Variants in NPIPB15 observed in about 807,000 individuals in gnomAD.
NPIPB15 encodes nuclear pore complex interacting protein family member B15.
A neutral mutation model predicts 35.9 loss-of-function variants in NPIPB15; 5 were observed. That is an observed-to-expected ratio of 0.14 (90% CI 0.07 to 0.29). NPIPB15 has a LOEUF of 0.29. Ranked by LOEUF, NPIPB15 falls within the 10% of genes least tolerant of loss-of-function variation. The probability of loss-of-function intolerance (pLI) is 1.00; values close to 1 mark genes in which losing one functional copy is unlikely to be tolerated. For synonymous variants in NPIPB15, 43 were observed against 182.0 expected (o/e 0.24, Z 6.15); for missense variants, 100 against 506.1 (o/e 0.20, Z 7.70).
chr16:74,379,088 C>T (rs1439720483), intron 2 of NPIPB15, among the ~76,000 whole-genome samples: 23 of 146,638 alleles, frequency 1.6e-4, no homozygotes, highest in African/African-American at 4.3e-4. Context: ...GCGTGAACCA[C>T]CGTGCCCAGC....
Position 74,380,915 on chromosome 16 carries a change from G to A in NPIPB15, c.67-601G>A, listed in dbSNP as rs142989569. Among the ~76,000 whole-genome samples, 8 of 152,374 alleles carry A rather than the reference G, an allele frequency of 5.3e-5. No individual in the cohort carries two copies. The East Asian group carries it at 1.5e-3, about 29-fold the overall frequency. Reference sequence around the variant, plus strand: ...AATCCCAGTACTTTCAGAGGCCGAGGCAGGCAGATCGCCTGCCAGGAGTTC... The same window carrying A: ...AATCCCAGTACTTTCAGAGGCCGAGACAGGCAGATCGCCTGCCAGGAGTTC... On this transcript the variant is annotated intron_variant, in intron 2 of 7. Transcript: ENST00000692376.
chr16:74,381,435 G>A (rs544151183), intron 2 of NPIPB15, 81 bp from the exon 3 acceptor site: 573 of 1,467,744 alleles, frequency 3.9e-4, no homozygotes, highest in Admixed American at 6.7e-4. Flanking sequence ...GGAGGTTGAC[G>A]GTTTCTAAGG....
chr16:74,381,452 C>T (rs2011983562), intron 2 of NPIPB15, 64 bp from the exon 3 acceptor site: 1 of 1,535,736 alleles, frequency 6.5e-7, no homozygotes, highest in South Asian at 1.2e-5. Context: ...AAGGATGATT[C>T]TTTCTGAGTG....
At chr16:74,381,148 C>CAAAAAA (rs1166274271) in intron 2 of NPIPB15, among the ~76,000 whole-genome samples, 3,391 of 68,500 alleles carry the variant, frequency 0.05, 66 homozygotes, top group African/African-American at 0.064. Flanking sequence ...ACTCTGTCTC[C>CAAAAAA]AAAAAAAAAA....
Position 74,376,877 on chromosome 16 carries a change from A to C in NPIPB15, c.-492A>C, listed in dbSNP as rs1213308634. ...TCTTATAAGGGCACTTTGAATTTCC[A>C]AGCAAATAATAATTTTGAATTAGCT... is the stretch of plus-strand genomic sequence containing the variant. On this transcript the variant is annotated 5_prime_UTR_variant, in exon 1 of 8. Coordinates refer to ENST00000692376, the MANE Select transcript of NPIPB15 (RefSeq NM_001306094.2). Among the ~76,000 whole-genome samples the C allele has an allele frequency of 6.8e-6, 1 of 147,238 alleles. No homozygotes were observed. The highest frequency in any genetic ancestry group is 2.5e-5 in the African/African-American group (1 of 40,144).
chr16:74,384,989 T>TC, intron 3 of NPIPB15, among the ~76,000 whole-genome samples: 2 of 101,412 alleles, frequency 2.0e-5, no homozygotes, highest in African/African-American at 4.0e-5. Flanking sequence ...CTCATGTCAT[T>TC]CTTGTGTGTG....
At chr16:74,381,038 G>A (rs2011962099) in intron 2 of NPIPB15, among the ~76,000 whole-genome samples, 2 of 146,580 alleles carry the variant, frequency 1.4e-5, no homozygotes, top group South Asian at 4.3e-4. Context: ...AGCTACTCGG[G>A]AGGCTGAGGG....
intron 3 of NPIPB15, among the ~76,000 whole-genome samples, chr16:74,384,411 C>G (rs2012148692): frequency 9.4e-6 from 1 of 106,554 alleles, no homozygotes. Flanking sequence ...ACTCTGTCAC[C>G]AGGCTGGAGT....
At position 74,391,583 on chromosome 16, in the gene NPIPB15, G is replaced by C. The variant is rs756542957; in HGVS notation, c.835G>C (p.Asp279His). The C allele has an allele frequency of 5.6e-6, 9 of 1,610,248 alleles. No homozygotes were observed. The highest frequency in any genetic ancestry group is 1.7e-5 in the Admixed American group (1 of 59,780). The change falls in exon 8 of 8, where the codon GAT becomes CAT. Residue 279 changes from aspartate to histidine, a missense_variant. Asp to His is a moderately conservative substitution (Grantham distance 81). Transcript: ENST00000692376. The part of the protein sequence containing the change: ...CLLHPLPPSV[D>H]DNIKECPLAP... The stretch of plus-strand genomic sequence containing the variant: ...CCTTCATCCCCTTCCACCCTCAGTG[G>C]ATGATAATATCAAGGAGTGTCCTCT...
chr16:74,376,311 CTGAG>C lies in NPIPB15; in HGVS notation c.-1052_-1049del, dbSNP rs1223045286. ...GCAGTGGTTTTCAGCTGCCAGAGGCCTGAGTGAGTTTGGGCACACTCTGTGTGAT... is the reference window on the plus strand; with the variant it reads ...GCAGTGGTTTTCAGCTGCCAGAGGCCTGAGTTTGGGCACACTCTGTGTGAT... On this transcript the variant is annotated 5_prime_UTR_variant, in exon 1 of 8. Coordinates refer to ENST00000692376, the MANE Select transcript of NPIPB15 (RefSeq NM_001306094.2). Among the ~76,000 whole-genome samples, 2 of 151,252 alleles carry C rather than the reference CTGAG, an allele frequency of 1.3e-5. No individual in the cohort carries two copies. The highest frequency in any genetic ancestry group is 6.7e-5 in the Admixed American group (1 of 14,966).
chr16:74,378,240 G>A (rs904691829), intron 2 of NPIPB15, among the ~76,000 whole-genome samples: 13 of 151,694 alleles, frequency 8.6e-5, no homozygotes, highest in African/African-American at 3.1e-4. Flanking sequence ...AAGATTAGTC[G>A]GGCCTGGTGG....
intron 2 of NPIPB15, among the ~76,000 whole-genome samples, chr16:74,378,670 C>T (rs2011814455): frequency 6.6e-6 from 1 of 150,668 alleles, no homozygotes; most frequent in Non-Finnish European, 1.5e-5. Context: ...CCTCGGCCTC[C>T]CAGTGCTGGG....
In NPIPB15 at chr16:74,391,687, C is replaced by G; in HGVS notation, c.939C>G (p.Pro313=). 6.3e-7 allele frequency: 1 copy of G among 1,583,834 alleles called. No individual in the cohort carries two copies. The highest frequency in any genetic ancestry group is 8.6e-7 in the Non-Finnish European group (1 of 1,168,144). ...CTCTTCCACCCTCTCCTCTTCCACC[C>G]TCAGTGGATGATAATCTGAAGGACT... ...LVPLPPSPLP[P]SVDDNLKDCL... is the part of the protein sequence containing the mutation. The change falls in exon 8 of 8, where the codon CCC becomes CCG. Residue 313 remains proline, a synonymous_variant. Transcript: ENST00000692376.
chr16:74,384,314 A>G (rs1199507110), intron 3 of NPIPB15, among the ~76,000 whole-genome samples: 30 of 93,330 alleles, frequency 3.2e-4, no homozygotes, highest in African/African-American at 1.2e-3. Flanking sequence ...TAAGATGATA[A>G]TTACCATCTA....
In NPIPB15 at chr16:74,384,668, A is replaced by ATTTTTT. The variant is rs1186582416; in HGVS notation, c.250-650_250-645dup. 7.4e-3 allele frequency among the ~76,000 whole-genome samples: 456 copies of ATTTTTT among 61,540 alleles called. 58 individuals are homozygous for ATTTTTT. Among genetic ancestry groups the ATTTTTT allele is most frequent in the Non-Finnish European group, 8.9e-3 (298 of 33,484 alleles). The allele number at this position is 61,540 out of a possible 152,430, so 40.4% of individuals were successfully genotyped here. On this transcript the variant is annotated intron_variant, in intron 3 of 7. Transcript: ENST00000692376. ...AGGCGTGAGCTACCGCACCTGGCCT[A>ATTTTTT]TTTTTTTTTTTTTTTTTTTTTTTTT... is the stretch of plus-strand genomic sequence containing the variant.
At chr16:74,389,433 C>T (rs1249252439) in intron 5 of NPIPB15, among the ~76,000 whole-genome samples, 9 of 149,622 alleles carry the variant, frequency 6.0e-5, no homozygotes, top group Admixed American at 2.1e-4. Flanking sequence ...AGTGCAATGA[C>T]GTGATCTTGG....
chr16:74,381,550 A>T lies in NPIPB15; in HGVS notation c.101A>T (p.Glu34Val). Residue 34 changes from glutamate to valine, a missense_variant, in exon 3 of 8, where the codon GAG (glutamate) becomes GTG (valine). Physicochemically the swap from Glu to Val is moderately radical, Grantham distance 121 (BLOSUM62 -2). Transcript: ENST00000692376. ...INSLAVYRHR[E>V]TDFGVGVRDH... is the part of the protein sequence containing the mutation. ...AGTCTGGCTGTCTATCGTCATCGTGAGACTGACTTTGGTGTAGGAGTTCGA... is the reference window on the plus strand; with the variant it reads ...AGTCTGGCTGTCTATCGTCATCGTGTGACTGACTTTGGTGTAGGAGTTCGA... The T allele has an allele frequency of 6.3e-7, 1 of 1,590,458 alleles. No homozygotes were observed. Among genetic ancestry groups the T allele is most frequent in the Non-Finnish European group, 8.5e-7 (1 of 1,175,198 alleles).
intron 1 of NPIPB15, 163 bp from the exon 2 acceptor site, chr16:74,377,789 T>C (rs866571382): frequency 0.067 from 238 of 3,556 alleles, 6 homozygotes; most frequent in African/African-American, 0.28. Flanking sequence ...CTTCCCCCCT[T>C]CCCCTCCCCT....
intron 2 of NPIPB15, chr16:74,381,201 G>C (rs573272257): frequency 4.0e-6 from 2 of 495,550 alleles, no homozygotes; most frequent in East Asian, 4.0e-5. Context: ...GTTAGTGTTA[G>C]TGTATGTTAT....
Sources: gnomAD v4.1 joint callset for allele counts (sites outside exome capture counted in the v4.1 genomes callset) on GRCh38, gnomAD v4.1.1 for gene constraint, MANE v1.5 for transcripts, NCBI Gene and HGNC (gene_info 2026-07-23, HGNC 2026-07-21) for gene names.